Variants in SERPINB3 observed in about 807,000 individuals in gnomAD.
The protein encoded by SERPINB3 is serpin B3.
SERPINB3 carries 33 observed loss-of-function variants against 33.0 expected under a neutral mutation model. That is an observed-to-expected ratio of 1.00 (90% confidence interval 0.76 to 1.34). The LOEUF is 1.34. Among genes scored for constraint, SERPINB3 ranks in the 40% most tolerant of loss-of-function variants. The probability of loss-of-function intolerance (pLI) is 0.00; values close to 1 mark genes in which losing one functional copy is unlikely to be tolerated. For missense variants in SERPINB3, 518 were observed against 461.5 expected (o/e 1.12, Z -1.12); for synonymous variants, 200 against 170.9 (o/e 1.17, Z -1.33).
At position 63,655,812 on chromosome 18, in the gene SERPINB3, C is replaced by G. The variant is rs577782225; in HGVS notation, c.1018G>C (p.Gly340Arg). The part of the protein sequence containing the change: ...HKAFVEVTEE[G>R]AEAAAATAVV... ...GCGGTGGCAGCTGCAGCTTCTGCTC[C>G]CTCCTCTGTAACCTCCACAAAGGCC... Residue 340 changes from glycine to arginine, a missense_variant, in exon 8 of 8, where the codon GGA becomes CGA. Coordinates refer to ENST00000283752, the MANE Select transcript of SERPINB3 (RefSeq NM_006919.3). The G allele has an allele frequency of 2.5e-6, 4 of 1,613,922 alleles. No homozygotes were observed. Among genetic ancestry groups the G allele is most frequent in the Non-Finnish European group, 3.4e-6 (4 of 1,179,936 alleles).
At position 63,659,537 on chromosome 18, in the gene SERPINB3, T is replaced by A. The variant is rs1479982416; in HGVS notation, c.223-10A>T. On this transcript the variant is annotated splice_polypyrimidine_tract_variant and intron_variant, in intron 3 of 7. Transcript: ENST00000283752. ...TTCCTGACCTATCAACCTTCAAACATCAAAAAAGGAGATCATTCAATTGCT... is the reference window on the plus strand; with the variant it reads ...TTCCTGACCTATCAACCTTCAAACAACAAAAAAGGAGATCATTCAATTGCT... 5 of 1,612,044 alleles carry A rather than the reference T, an allele frequency of 3.1e-6. No homozygotes were observed. The African/African-American group carries it at 5.4e-5, about 17-fold the overall frequency.
chr18:63,655,750 A>C lies in SERPINB3; in HGVS notation c.1080T>G (p.Asn360Lys). ...VGFGSSPTST[N>K]EEFHCNHPFL... is the part of the protein sequence containing the mutation. ...AAGGGTGATTACAATGGAACTCTTC[A>C]TTAGTTGAAGTAGGTGATGATCCGA... Residue 360 changes from asparagine (N) to lysine (K), a missense_variant, in exon 8 of 8, where the codon AAT becomes AAG. By Grantham distance (94) the Asn-to-Lys change is moderately conservative. Transcript: ENST00000283752. 2 of 1,613,846 alleles carry C rather than the reference A, an allele frequency of 1.2e-6. No homozygotes were observed. The highest frequency in any genetic ancestry group is 2.2e-5 in the South Asian group (2 of 91,080).
At chr18:63,658,902 C>A (rs1913568353) in intron 4 of SERPINB3, among the ~76,000 whole-genome samples, 2 of 152,116 alleles carry the variant, frequency 1.3e-5, no homozygotes, top group African/African-American at 4.8e-5. Context: ...GAGCAGGCTT[C>A]CCTGAAGGAG....
At chr18:63,657,100 G>T in intron 6 of SERPINB3, 114 bp from the exon 7 acceptor site, 1 of 1,045,196 alleles carries the variant, frequency 9.6e-7, no homozygotes, top group Non-Finnish European at 1.3e-6. Context: ...AATGTAATGA[G>T]TTAGAGACAA....
chr18:63,659,645 T>G (rs1913590770), intron 3 of SERPINB3, 118 bp from the exon 4 acceptor site: 1 of 1,348,468 alleles, frequency 7.4e-7, no homozygotes, highest in Middle Eastern at 2.5e-4. Context: ...ACCTTTGAGC[T>G]TATTCCCTGA....
At position 63,656,549 on chromosome 18, in the gene SERPINB3, GC is replaced by G. The variant is rs1913500842; in HGVS notation, c.768+281del. On this transcript the variant is annotated intron_variant, in intron 7 of 7. Transcript: ENST00000283752. ...TGTATTCGTAAACTTTCCTCACATT[GC>G]TATATATTTCTCCCAGTCAAGTTTA... is the stretch of plus-strand genomic sequence containing the variant. 1.3e-5 allele frequency among the ~76,000 whole-genome samples: 2 copies of G among 151,876 alleles called. 1 individual carries two copies. The highest frequency in any genetic ancestry group is 1.3e-4 in the Admixed American group (2 of 15,222).
intron 4 of SERPINB3, among the ~76,000 whole-genome samples, chr18:63,659,017 A>C (rs1263663946): frequency 3.9e-5 from 6 of 152,084 alleles, no homozygotes; most frequent in Non-Finnish European, 7.4e-5. Context: ...GTACTTCCTC[A>C]ACTATTCTCA....
intron 5 of SERPINB3, 145 bp from the exon 6 acceptor site, chr18:63,657,557 G>A (rs934492179): frequency 8.4e-5 from 55 of 657,878 alleles, no homozygotes; most frequent in African/African-American, 7.4e-4. Context: ...TGAATTGTTA[G>A]ACTCACTGAC....
intron 3 of SERPINB3, among the ~76,000 whole-genome samples, chr18:63,660,090 C>A (rs1380213964): frequency 6.6e-6 from 1 of 152,110 alleles, no homozygotes. Context: ...GTCTTTAGTT[C>A]AATTCAGGTG....
At chr18:63,657,041 T>A in intron 6 of SERPINB3, 55 bp from the exon 7 acceptor site, 1 of 1,471,106 alleles carries the variant, frequency 6.8e-7, no homozygotes, top group Non-Finnish European at 9.3e-7. Context: ...GGCAAAAAGA[T>A]AATATTATTG....
chr18:63,660,252 C>G (rs1207202272), intron 3 of SERPINB3, among the ~76,000 whole-genome samples: 1 of 152,086 alleles, frequency 6.6e-6, no homozygotes, highest in East Asian at 1.9e-4. Flanking sequence ...CCAATATATT[C>G]CATAGCAATC....
chr18:63,661,335 T>G, intron 1 of SERPINB3, 93 bp from the exon 2 acceptor site: 1 of 1,368,834 alleles, frequency 7.3e-7, no homozygotes, highest in South Asian at 1.4e-5. Flanking sequence ...ATATCTGTGT[T>G]GTGAGATTTT....
chr18:63,657,165 A>T (rs1028033625), intron 6 of SERPINB3, 105 bp downstream of exon 6: 22 of 908,784 alleles, frequency 2.4e-5, no homozygotes, highest in Admixed American at 6.3e-5. Flanking sequence ...AACAACAAAA[A>T]AACAGACATG....
chr18:63,656,526 T>C (rs1913500053), intron 7 of SERPINB3, among the ~76,000 whole-genome samples: 1 of 152,214 alleles, frequency 6.6e-6, no homozygotes, highest in African/African-American at 2.4e-5. Context: ...TTACTTGGTG[T>C]ATTCGTAAAC....
At chr18:63,658,310 A>T (rs1255875586) in intron 5 of SERPINB3, among the ~76,000 whole-genome samples, 1 of 152,080 alleles carries the variant, frequency 6.6e-6, no homozygotes, top group African/African-American at 2.4e-5. Context: ...GTTTTCTTCT[A>T]ATTGGCTTCC....
chr18:63,661,107 G>A lies in SERPINB3; in HGVS notation c.110C>T (p.Ala37Val), dbSNP rs200505823. Reference protein sequence around the residue: ...IFYSPISITSALGMVLLGAKD... With the variant: ...IFYSPISITSVLGMVLLGAKD... Reference sequence around the variant, plus strand: ...GGCTCCTAAGAGGACCATCCCTAATGCTGATGTGATGCTGATAGGGGAATA... The same window carrying A: ...GGCTCCTAAGAGGACCATCCCTAATACTGATGTGATGCTGATAGGGGAATA... The change falls in exon 2 of 8, where the codon GCA (alanine) becomes GTA (valine). Residue 37 changes from alanine to valine, a missense_variant. By Grantham distance (64) the Ala-to-Val change is moderately conservative. Transcript: ENST00000283752. 6.2e-7 allele frequency: 1 copy of A among 1,613,590 alleles called. No individual in the cohort carries two copies. Among genetic ancestry groups the A allele is most frequent in the East Asian group, 2.2e-5 (1 of 44,862 alleles).
At chr18:63,658,966 C>A (rs1246538372) in intron 4 of SERPINB3, among the ~76,000 whole-genome samples, 1 of 152,138 alleles carries the variant, frequency 6.6e-6, no homozygotes, top group Non-Finnish European at 1.5e-5. Flanking sequence ...TGTTTCTGAT[C>A]TTTGTTTTTA....
rs1913636313 is a variant in SERPINB3 at position 63,661,198 on chromosome 18, C to G, written c.19G>C (p.Ala7Pro). 1 of 1,613,398 alleles carries G rather than the reference C, an allele frequency of 6.2e-7. No homozygotes were observed. Among genetic ancestry groups the G allele is most frequent in the Non-Finnish European group, 8.5e-7 (1 of 1,179,524 alleles). Residue 7 changes from alanine to proline, a missense_variant, in exon 2 of 8, where the codon GCC (alanine) becomes CCC (proline). Transcript: ENST00000283752. MNSLSE[A>P]NTKFMFDLFQ... ...AGGTCGAACATGAACTTGGTGTTGGCTTCACTGAGTGAATTCATGGTGAAC... is the reference window on the plus strand; with the variant it reads ...AGGTCGAACATGAACTTGGTGTTGGGTTCACTGAGTGAATTCATGGTGAAC...
At position 63,655,565 on chromosome 18, in the gene SERPINB3, A is replaced by G. The variant is rs577923279; in HGVS notation, c.*92T>C. The stretch of plus-strand genomic sequence containing the variant: ...CATCAAGATGAGAAAGAAAAGAAAT[A>G]TGAGCCAAGAGAATCTGTTGTTGCC... On this transcript the variant is annotated 3_prime_UTR_variant, in exon 8 of 8. Coordinates refer to ENST00000283752, the MANE Select transcript of SERPINB3 (RefSeq NM_006919.3). The G allele has an allele frequency of 1.2e-4, 154 of 1,335,306 alleles. No homozygotes were observed. The highest frequency in any genetic ancestry group is 6.6e-4 in the South Asian group (41 of 62,064). The allele number at this position is 1,335,306 out of a possible 1,614,324, so 82.7% of individuals were successfully genotyped here. A position where few individuals can be genotyped will look rare whatever the true frequency, so the allele number is the denominator to read the frequency against.
Sources: gnomAD v4.1 joint callset for allele counts (sites outside exome capture counted in the v4.1 genomes callset) on GRCh38, gnomAD v4.1.1 for gene constraint, MANE v1.5 for transcripts, NCBI Gene and HGNC (gene_info 2026-07-23, HGNC 2026-07-21) for gene names.